Variants in RPH3AL observed in about 807,000 individuals in gnomAD.
The protein encoded by RPH3AL is rab effector Noc2.
RPH3AL carries 38 observed loss-of-function variants against 43.1 expected under a neutral mutation model. That is an observed-to-expected ratio of 0.88 (90% confidence interval 0.68 to 1.15). RPH3AL has a LOEUF of 1.15. Ranked by LOEUF, RPH3AL falls within the 50% of genes most tolerant of loss-of-function variation. RPH3AL has a pLI of 0.00. For synonymous variants in RPH3AL, 189 were observed against 176.3 expected, an observed-to-expected ratio of 1.07 and a Z score of -0.57; for missense variants, 462 against 423.2, an observed-to-expected ratio of 1.09 and a Z score of -0.81.
At chr17:224,265 C>T (rs879522466) in intron 7 of RPH3AL, among the ~76,000 whole-genome samples, 4,422 of 152,278 alleles carry the variant, frequency 0.029, 108 homozygotes, top group Non-Finnish European at 0.045. Flanking sequence ...TCCCCATGCC[C>T]CCAGGACCAC....
At chr17:235,473 C>G (rs188069790) in intron 7 of RPH3AL, among the ~76,000 whole-genome samples, 2,363 of 67,922 alleles carry the variant, frequency 0.035, 274 homozygotes, top group African/African-American at 0.13. Context: ...TGGGGTCGGC[C>G]GAGGCTCTGC....
rs950341064 is a variant in RPH3AL, at chr17:328,479, C to A, written c.-36-900G>T. Among the ~76,000 whole-genome samples, 1 of 151,750 alleles carries A rather than the reference C, an allele frequency of 6.6e-6. No homozygotes were observed. ...TACACTCTTAAAAAAGATCCAGGTTCGAAATCCGTTTGACACTTCCTCAAA... is the reference window on the plus strand; with the variant it reads ...TACACTCTTAAAAAAGATCCAGGTTAGAAATCCGTTTGACACTTCCTCAAA... On this transcript the variant is annotated intron_variant, in intron 2 of 9. Coordinates refer to ENST00000331302, the MANE Select transcript of RPH3AL (RefSeq NM_006987.4). This position sits in a 1 kb window ranked among gnomAD's most constrained non-coding sequence, Gnocchi z 4.2.
chr17:262,413 A>G (rs886436966), intron 6 of RPH3AL, among the ~76,000 whole-genome samples: 12 of 152,198 alleles, frequency 7.9e-5, no homozygotes, highest in Non-Finnish European at 1.8e-4. Context: ...ACGGGGTTTC[A>G]CCATGTTCGC....
In RPH3AL at chr17:245,160, T is replaced by C. The variant is rs1475962115; in HGVS notation, c.613+1951A>G. ...GTCCATGTGGATGTGTGTGTGCACA[T>C]GGATGTGTCTGTGTGTACGTGGATG... On this transcript the variant is annotated intron_variant, in intron 7 of 9. Transcript: ENST00000331302. The surrounding 1 kb of genome is among the most constrained non-coding windows in gnomAD (Gnocchi z 5.9). Among the ~76,000 whole-genome samples the C allele has an allele frequency of 4.0e-5, 6 of 151,138 alleles. No individual in the cohort carries two copies. The highest frequency in any genetic ancestry group is 8.8e-5 in the Non-Finnish European group (6 of 67,854).
At chr17:332,168 C>G in intron 2 of RPH3AL, 1 of 331,484 alleles carries the variant, frequency 3.0e-6, no homozygotes, top group South Asian at 2.4e-5. Context: ...GTGGACAGGG[C>G]TGGTGGAGCT....
intron 5 of RPH3AL, among the ~76,000 whole-genome samples, chr17:299,560 G>A (rs2043269734): frequency 6.6e-6 from 1 of 152,182 alleles, no homozygotes; most frequent in Admixed American, 6.5e-5. Context: ...GAACAAGACG[G>A]GCCAAGTCCA....
intron 7 of RPH3AL, among the ~76,000 whole-genome samples, chr17:233,080 T>A (rs2041269174): frequency 6.6e-6 from 1 of 151,708 alleles, no homozygotes; most frequent in Admixed American, 6.6e-5. Flanking sequence ...TATCAAAGCA[T>A]AGTGGGGATG....
At chr17:280,710 C>T (rs987467649) in intron 6 of RPH3AL, among the ~76,000 whole-genome samples, 1 of 152,090 alleles carries the variant, frequency 6.6e-6, no homozygotes, top group Admixed American at 6.5e-5. Context: ...ACTTGGAAGG[C>T]AGTACTGAAG....
chr17:228,382 G>A (rs369864994), intron 7 of RPH3AL, among the ~76,000 whole-genome samples: 143 of 152,166 alleles, frequency 9.4e-4, no homozygotes, highest in African/African-American at 3.3e-3. Flanking sequence ...GCTCGCCTGC[G>A]GAGAGGGGGA....
At chr17:232,631 T>C (rs2041254866) in intron 7 of RPH3AL, among the ~76,000 whole-genome samples, 1 of 152,180 alleles carries the variant, frequency 6.6e-6, no homozygotes, top group Non-Finnish European at 1.5e-5. Context: ...ATTCCCCAAG[T>C]GTCTGGCTGG....
Position 333,483 on chromosome 17 carries a change from A to ATTTAGAAAATTGGGTT in RPH3AL, c.-37+275_-37+276insAACCCAATTTTCTAAA, listed in dbSNP as rs2044857433. On this transcript the variant is annotated intron_variant, in intron 2 of 9. Transcript: ENST00000331302. The surrounding 1 kb of genome is among the most constrained non-coding windows in gnomAD (Gnocchi z 4.5). ...GGTTTCTAAATAAAATTGGGTTCTT[A>ATTTAGAAAATTGGGTT]CTATATATGCTGCTTGCTGGTTTTT... The ATTTAGAAAATTGGGTT allele has an allele frequency of 5.3e-6, 2 of 375,016 alleles. No individual in the cohort carries two copies. The highest frequency in any genetic ancestry group is 1.0e-5 in the Non-Finnish European group (2 of 199,252). The allele number at this position is 375,016 out of a possible 1,614,324, so 23.2% of individuals were successfully genotyped here. A position where few individuals can be genotyped will look rare whatever the true frequency, so the allele number is the denominator to read the frequency against.
rs111464115 is a variant in RPH3AL at position 235,985 on chromosome 17, C to G, written c.613+11126G>C. Among the ~76,000 whole-genome samples the G allele has an allele frequency of 3.6e-3, 361 of 98,950 alleles. 9 individuals are homozygous for G. The highest frequency in any genetic ancestry group is 0.016 in the Middle Eastern group (3 of 190). The allele number at this position is 98,950 out of a possible 152,430, so 64.9% of individuals were successfully genotyped here. Reference sequence around the variant, plus strand: ...AGCTGGGGTCGGCCAAGGCTCTACACTAACAAGACGGGTCCATGGGTCAAA... The same window carrying G: ...AGCTGGGGTCGGCCAAGGCTCTACAGTAACAAGACGGGTCCATGGGTCAAA... On this transcript the variant is annotated intron_variant, in intron 7 of 9. Transcript: ENST00000331302.
At chr17:257,059 C>T (rs1351534159) in intron 6 of RPH3AL, among the ~76,000 whole-genome samples, 4 of 35,560 alleles carry the variant, frequency 1.1e-4, no homozygotes, top group African/African-American at 3.4e-4. Flanking sequence ...TGAGGGGAGC[C>T]GCACGGCGTC....
At position 321,372 on chromosome 17, in the gene RPH3AL, G is replaced by T; in HGVS notation, c.121C>A (p.Gln41Lys). The change falls in exon 4 of 10, where the codon CAG becomes AAG. Residue 41 changes from glutamine to lysine, a missense_variant. Gln to Lys is a moderately conservative substitution (Grantham distance 53). Coordinates refer to ENST00000331302, the MANE Select transcript of RPH3AL (RefSeq NM_006987.4). ...GGGCTGAGGTGCTGCTTCCTCCTCT[G>T]CTTCTCCGTCTGGTAGGTGTGCACG... The part of the protein sequence containing the change: ...WSVHTYQTEK[Q>K]RRKQHLSPAE... The T allele has an allele frequency of 6.2e-7, 1 of 1,611,376 alleles. No individual in the cohort carries two copies. The highest frequency in any genetic ancestry group is 8.5e-7 in the Non-Finnish European group (1 of 1,179,948).
intron 5 of RPH3AL, among the ~76,000 whole-genome samples, chr17:317,562 G>A (rs2044319520): frequency 6.6e-6 from 1 of 152,134 alleles, no homozygotes; most frequent in South Asian, 2.1e-4. Context: ...CCACTGACCT[G>A]TAGTCCAGGG....
At chr17:341,945 G>A (rs1320609597) in intron 1 of RPH3AL, among the ~76,000 whole-genome samples, 2 of 152,162 alleles carry the variant, frequency 1.3e-5, no homozygotes, top group Admixed American at 1.3e-4. Flanking sequence ...AATGGGAGAA[G>A]ATATTTGCAA....
chr17:250,693 C>T (rs1192712864), intron 6 of RPH3AL, among the ~76,000 whole-genome samples: 11 of 122,528 alleles, frequency 9.0e-5, no homozygotes, highest in South Asian at 2.9e-4. Context: ...CCAAGCTCCG[C>T]CACTGCGGGA....
intron 6 of RPH3AL, among the ~76,000 whole-genome samples, chr17:263,476 G>C (rs1164496842): frequency 1.3e-5 from 2 of 152,198 alleles, no homozygotes; most frequent in Admixed American, 6.5e-5. Context: ...TGACGCGGTG[G>C]CAAGGAGCCG....
chr17:292,738 C>G (rs561163867), intron 5 of RPH3AL, among the ~76,000 whole-genome samples: 5 of 152,192 alleles, frequency 3.3e-5, no homozygotes, highest in African/African-American at 9.6e-5. Context: ...TCTTCCAGAA[C>G]GACAGATGAG....
Sources: gnomAD v4.1 joint callset for allele counts (sites outside exome capture counted in the v4.1 genomes callset) on GRCh38, gnomAD v4.1.1 for gene constraint, Gnocchi (gnomAD v3.1) non-coding constraint, MANE v1.5 for transcripts, NCBI Gene and HGNC (gene_info 2026-07-23, HGNC 2026-07-21) for gene names.